The following SUGCT variants were observed in gnomAD, a reference collection of about 807,000 sequenced individuals.
SUGCT encodes succinyl-CoA:glutarate CoA-transferase.
SUGCT carries 41 observed loss-of-function variants against 55.0 expected under a neutral mutation model. That is an observed-to-expected ratio of 0.74 (90% confidence interval 0.58 to 0.97). SUGCT has a LOEUF of 0.97. Among genes scored for constraint, SUGCT ranks in the 50% least tolerant of loss-of-function variants. The pLI, the probability that SUGCT is intolerant of heterozygous loss-of-function variation, is 0.00. For missense variants in SUGCT, 568 were observed against 547.8 expected, an observed-to-expected ratio of 1.04 and a Z score of -0.37; for synonymous variants, 187 against 200.4, an observed-to-expected ratio of 0.93 and a Z score of 0.56.
chr7:40,354,481 G>C (rs894808338), intron 9 of SUGCT, among the ~76,000 whole-genome samples: 2 of 152,196 alleles, frequency 1.3e-5, no homozygotes, highest in African/African-American at 4.8e-5. Context: ...TGCTTCTTGA[G>C]ATACAGTGCC....
At chr7:40,465,022 A>G (rs1428917260) in intron 11 of SUGCT, among the ~76,000 whole-genome samples, 1 of 152,364 alleles carries the variant, frequency 6.6e-6, no homozygotes, top group South Asian at 2.1e-4. Context: ...GTATATGTCA[A>G]TGTAGTCCTA....
chr7:40,232,732 C>T (rs1393748136), intron 6 of SUGCT, among the ~76,000 whole-genome samples: 2 of 151,984 alleles, frequency 1.3e-5, no homozygotes, highest in South Asian at 2.1e-4. Context: ...CACAAGATGG[C>T]GAGGTTGCTC....
chr7:40,292,696 T>C (rs1184986415), intron 8 of SUGCT, among the ~76,000 whole-genome samples: 1 of 152,220 alleles, frequency 6.6e-6, no homozygotes, highest in Non-Finnish European at 1.5e-5. Flanking sequence ...GACATACTTT[T>C]AAAATTCTGT....
intron 1 of SUGCT, among the ~76,000 whole-genome samples, chr7:40,176,685 AT>A (rs1206486365): frequency 6.6e-6 from 1 of 151,882 alleles, no homozygotes; most frequent in African/African-American, 2.4e-5. Context: ...TAAAGACTAA[AT>A]TTCAGGCCAG....
chr7:40,665,407 C>A (rs916215725), intron 12 of SUGCT, among the ~76,000 whole-genome samples: 5 of 148,822 alleles, frequency 3.4e-5, no homozygotes, highest in African/African-American at 1.2e-4. Flanking sequence ...CCAGCCTGGG[C>A]GACAAAAGTG....
the SUGCT span, among the ~76,000 whole-genome samples, chr7:41,036,952 C>G: frequency 6.6e-6 from 1 of 152,208 alleles, no homozygotes; most frequent in Non-Finnish European, 1.5e-5. Context: ...TTCACAGACT[C>G]TAACTCAGAT....
rs189216030 is a variant in SUGCT, at chr7:40,358,596, C to T, written c.816+41741C>T. On this transcript the variant is annotated intron_variant, in intron 9 of 13. Transcript: ENST00000335693. The stretch of plus-strand genomic sequence containing the variant: ...AGGTGTGGTGGTGCATGCCTGTAAT[C>T]CCAGCTACTCGGAAGGTTGAAGCAG... 1.4e-4 allele frequency among the ~76,000 whole-genome samples: 22 copies of T among 152,122 alleles called. 1 individual carries two copies. The highest frequency in any genetic ancestry group is 4.6e-4 in the African/African-American group (19 of 41,496).
chr7:40,919,946 A>T, the SUGCT span, among the ~76,000 whole-genome samples: 1 of 152,130 alleles, frequency 6.6e-6, no homozygotes, highest in East Asian at 1.9e-4. Flanking sequence ...AATTGCCTGA[A>T]CACATCTTGC....
chr7:40,714,333 C>CA (rs1785896463), intron 12 of SUGCT, among the ~76,000 whole-genome samples: 1 of 151,920 alleles, frequency 6.6e-6, no homozygotes, highest in Non-Finnish European at 1.5e-5. Context: ...CTCAAAAAAA[C>CA]AAACAAAAAA....
intron 5 of SUGCT, among the ~76,000 whole-genome samples, chr7:40,192,969 G>GTTT (rs1199959991): frequency 2.2e-5 from 3 of 138,018 alleles, no homozygotes; most frequent in African/African-American, 5.6e-5. Context: ...TTGTAGTAGT[G>GTTT]TTTTTTTTTT....
chr7:40,456,131 T>C (rs1460168260), intron 10 of SUGCT, among the ~76,000 whole-genome samples: 1 of 152,132 alleles, frequency 6.6e-6, no homozygotes, highest in East Asian at 1.9e-4. Context: ...GTTCAAGTGA[T>C]TCTTGTGCCT....
intron 12 of SUGCT, among the ~76,000 whole-genome samples, chr7:40,685,853 C>T (rs1784440471): frequency 6.6e-6 from 1 of 152,154 alleles, no homozygotes; most frequent in Non-Finnish European, 1.5e-5. Context: ...GCCTGGCCAA[C>T]ATAGCAAGAC....
chr7:40,915,843 G>A, the SUGCT span, among the ~76,000 whole-genome samples: 2 of 152,194 alleles, frequency 1.3e-5, no homozygotes, highest in African/African-American at 2.4e-5. Context: ...TTGAATCAAT[G>A]ATTACTAATG....
chr7:40,637,233 G>A (rs566262611), intron 12 of SUGCT, among the ~76,000 whole-genome samples: 149 of 152,172 alleles, frequency 9.8e-4, no homozygotes, highest in Non-Finnish European at 1.6e-3. Context: ...CTTTCTGTTT[G>A]CTGGGAATGG....
chr7:40,540,268 T>A (rs535648949), intron 12 of SUGCT, among the ~76,000 whole-genome samples: 1 of 152,346 alleles, frequency 6.6e-6, no homozygotes, highest in East Asian at 1.9e-4. Flanking sequence ...TAACTATCAT[T>A]TACCAAGTAC....
chr7:40,590,610 G>A (rs915936024), intron 12 of SUGCT, among the ~76,000 whole-genome samples: 1 of 152,222 alleles, frequency 6.6e-6, no homozygotes, highest in Admixed American at 6.5e-5. Flanking sequence ...GGTATTCAAA[G>A]TAGCCTTCTG....
At chr7:40,479,134 A>G (rs765030549) in intron 11 of SUGCT, among the ~76,000 whole-genome samples, 15 of 152,036 alleles carry the variant, frequency 9.9e-5, no homozygotes, top group Non-Finnish European at 2.2e-4. Flanking sequence ...CCACTGATGG[A>G]CACTTGCTTA....
chr7:40,954,547 A>G, the SUGCT span, among the ~76,000 whole-genome samples: 1 of 152,124 alleles, frequency 6.6e-6, no homozygotes, highest in Admixed American at 6.6e-5. Context: ...CGTCGCTCAC[A>G]CTGGGAGCTG....
chr7:40,458,128 A>G (rs1789586412), intron 10 of SUGCT, among the ~76,000 whole-genome samples: 1 of 152,228 alleles, frequency 6.6e-6, no homozygotes, highest in African/African-American at 2.4e-5. Flanking sequence ...AAGATGATTA[A>G]TAGATAGATT....
Sources: gnomAD v4.1 joint callset for allele counts (sites outside exome capture counted in the v4.1 genomes callset) on GRCh38, gnomAD v4.1.1 for gene constraint, MANE v1.5 for transcripts, NCBI Gene and HGNC (gene_info 2026-07-23, HGNC 2026-07-21) for gene names.